Variants in STAG2 observed in about 807,000 individuals in gnomAD.
STAG2 encodes the protein cohesin subunit SA-2.
In STAG2, 14 loss-of-function variants were observed where a neutral mutation model predicts 108.1. The ratio of observed to expected loss-of-function variants is 0.13; its 90% CI spans 0.09 to 0.20. The LOEUF is 0.20. Ranked by LOEUF, STAG2 falls within the 10% of genes least tolerant of loss-of-function variation. The pLI, the probability that STAG2 is intolerant of heterozygous loss-of-function variation, is 1.00. For synonymous variants in STAG2, 307 were observed against 302.7 expected (o/e 1.01, Z -0.15); for missense variants, 440 against 940.9 (o/e 0.47, Z 6.96).
chrX:124,098,223 C>G (rs1485338421), intron 34 of STAG2, among the ~76,000 whole-genome samples: 2 of 110,859 alleles, frequency 1.8e-5, no homozygotes, highest in Non-Finnish European at 3.8e-5. Context: ...AGTTTAGCTG[C>G]TTCTGCTACA....
chrX:124,081,036 A>ATT (rs2058945793), intron 27 of STAG2, among the ~76,000 whole-genome samples: 1 of 111,758 alleles, frequency 8.9e-6, no homozygotes, highest in Non-Finnish European at 1.9e-5. Flanking sequence ...TGATGTAAAG[A>ATT]TTCACCACTT....
intron 5 of STAG2, among the ~76,000 whole-genome samples, chrX:124,036,675 G>GCCTAAAAATT (rs1486888209): frequency 1.8e-5 from 2 of 110,952 alleles, no homozygotes; most frequent in Admixed American, 9.6e-5. Flanking sequence ...ACCGCACCCA[G>GCCTAAAAATT]CCTAAAAATT....
At chrX:124,040,953 C>T (rs1224040559) in intron 6 of STAG2, among the ~76,000 whole-genome samples, 2 of 100,896 alleles carry the variant, frequency 2.0e-5, no homozygotes, top group Non-Finnish European at 4.0e-5. Context: ...CTCTGCCTCC[C>T]AGATTCAAGC....
In STAG2 at chrX:124,051,350, T is replaced by C. The variant is rs753467920; in HGVS notation, c.1152T>C (p.Tyr384=). The C allele has an allele frequency of 8.3e-7, 1 of 1,204,541 alleles. No individual in the cohort carries two copies. Among genetic ancestry groups the C allele is most frequent in the Admixed American group, 2.2e-5 (1 of 45,300 alleles). ...RIVSMTLDKE[Y]DVAVQAIKLL... ...TGTCTATGACCCTTGACAAAGAATATGATGTTGCAGTACAAGCAATAAAAT... is the reference window on the plus strand; with the variant it reads ...TGTCTATGACCCTTGACAAAGAATACGATGTTGCAGTACAAGCAATAAAAT... The change falls in exon 13 of 35, where the codon TAT becomes TAC. Residue 384 remains tyrosine, a synonymous_variant. Transcript: ENST00000371145.
chrX:124,015,966 C>A lies in STAG2; in HGVS notation c.-162-5401C>A, dbSNP rs775357809. Among the ~76,000 whole-genome samples the A allele has an allele frequency of 3.6e-5, 4 of 111,061 alleles. No individual in the cohort carries two copies. In the East Asian group the frequency reaches 1.1e-3, roughly 31 times the overall value. ...TACCTTTGGGTCTTGTTGTCAGGAG[C>A]CTGTAAGAAAGTTTATGTTCCCTGC... On this transcript the variant is annotated intron_variant, in intron 1 of 34. Coordinates refer to ENST00000371145, the MANE Select transcript of STAG2 (RefSeq NM_001042750.2).
intron 1 of STAG2, among the ~76,000 whole-genome samples, chrX:123,967,661 A>G (rs751661372): frequency 9.0e-6 from 1 of 110,753 alleles, no homozygotes; most frequent in Non-Finnish European, 1.9e-5. Flanking sequence ...TGAGCATCAT[A>G]CAGTGTACCT....
intron 1 of STAG2, among the ~76,000 whole-genome samples, chrX:123,971,116 A>C (rs2054333818): frequency 8.9e-6 from 1 of 112,096 alleles, no homozygotes. Context: ...CCACTTAGTA[A>C]GCGGTAAGAA....
chrX:123,985,718 G>A (rs73212912), intron 1 of STAG2, among the ~76,000 whole-genome samples: 17,399 of 108,158 alleles, frequency 0.16, 1,174 homozygotes, highest in South Asian at 0.36. Flanking sequence ...TTACAGGCAC[G>A]CTCTACCGTA....
intron 34 of STAG2, among the ~76,000 whole-genome samples, chrX:124,097,892 A>G (rs753854805): frequency 9.0e-6 from 1 of 110,738 alleles, no homozygotes; most frequent in Non-Finnish European, 1.9e-5. Flanking sequence ...AACAAAAGTA[A>G]TTAAGAAATC....
chrX:123,986,670 C>T (rs761594038), intron 1 of STAG2, among the ~76,000 whole-genome samples: 2 of 110,936 alleles, frequency 1.8e-5, no homozygotes, highest in African/African-American at 3.3e-5. Flanking sequence ...AGAATGTGCT[C>T]GATAATGTTA....
chrX:124,051,720 A>AG (rs1221209132), intron 13 of STAG2, among the ~76,000 whole-genome samples: 1 of 109,801 alleles, frequency 9.1e-6, no homozygotes, highest in East Asian at 2.9e-4. Context: ...CCTCCCGAGT[A>AG]GCTGGGACTA....
chrX:123,996,999 T>A (rs1036215650), intron 1 of STAG2, among the ~76,000 whole-genome samples: 2 of 112,569 alleles, frequency 1.8e-5, no homozygotes, highest in Non-Finnish European at 3.8e-5. Flanking sequence ...TTGAAAAGAC[T>A]ATCTTTCTTC....
chrX:124,039,739 C>T (rs1222309085), intron 6 of STAG2, among the ~76,000 whole-genome samples: 2 of 108,584 alleles, frequency 1.8e-5, no homozygotes, highest in African/African-American at 6.7e-5. Flanking sequence ...GTTGTCCCAC[C>T]TTGGCCTCCC....
At chrX:123,961,309 C>CG (rs1471238865), upstream of STAG2, 1 of 109,421 alleles carries the variant, frequency 9.1e-6, no homozygotes, top group Non-Finnish European at 1.9e-5. Flanking sequence ...ACCCCCCCCC[C>CG]CCATGGGTGG....
intron 1 of STAG2, among the ~76,000 whole-genome samples, chrX:123,989,923 A>G (rs2055369796): frequency 9.0e-6 from 1 of 111,361 alleles, no homozygotes; most frequent in South Asian, 3.7e-4. Flanking sequence ...ATACTACGTT[A>G]GCCTAACATT....
At chrX:124,053,720 C>T (rs1371382579) in intron 13 of STAG2, among the ~76,000 whole-genome samples, 1 of 111,467 alleles carries the variant, frequency 9.0e-6, no homozygotes, top group Non-Finnish European at 1.9e-5. Flanking sequence ...ATGAGCATGA[C>T]ACAAAAGCTA....
chrX:123,975,762 C>T (rs903931366), intron 1 of STAG2, among the ~76,000 whole-genome samples: 6 of 112,063 alleles, frequency 5.4e-5, no homozygotes, highest in African/African-American at 1.6e-4. Context: ...CCATGCCCTG[C>T]GGAATATGTA....
chrX:123,986,193 A>G (rs1281702929), intron 1 of STAG2, among the ~76,000 whole-genome samples: 4 of 107,416 alleles, frequency 3.7e-5, no homozygotes, highest in Non-Finnish European at 7.6e-5. Context: ...GATATATAAT[A>G]TATGTATATA....
chrX:124,097,179 CAAAAA>C (rs56942682), intron 34 of STAG2, among the ~76,000 whole-genome samples: 6 of 38,194 alleles, frequency 1.6e-4, no homozygotes, highest in Admixed American at 9.4e-4. Flanking sequence ...GACCCTGTCT[CAAAAA>C]AAAAAAAAAA....
Sources: allele counts gnomAD v4.1 joint callset (sites outside exome capture counted in the v4.1 genomes callset), GRCh38; gene constraint gnomAD v4.1.1; transcripts MANE v1.5; gene names NCBI Gene and HGNC (gene_info 2026-07-23, HGNC 2026-07-21).